Variants in NUP210 observed in about 807,000 individuals in gnomAD.
NUP210 encodes nucleoporin 210.
NUP210 carries 151 observed loss-of-function variants against 196.0 expected under a neutral mutation model. That is an observed-to-expected ratio of 0.77 (90% CI 0.67 to 0.88). NUP210 has a LOEUF of 0.88. Ranked by LOEUF, NUP210 falls within the 40% of genes least tolerant of loss-of-function variation. The pLI, the probability that NUP210 is intolerant of heterozygous loss-of-function variation, is 0.00. For synonymous variants in NUP210, 1,070 were observed against 1,052.7 expected, an observed-to-expected ratio of 1.02 and a Z score of -0.32; for missense variants, 2,314 against 2,493.7, an observed-to-expected ratio of 0.93 and a Z score of 1.53.
rs534124796 is a variant in NUP210 at position 13,350,795 on chromosome 3, G to A, written c.2835+1084C>T. Among the ~76,000 whole-genome samples, 2 of 149,048 alleles carry A rather than the reference G, an allele frequency of 1.3e-5. No homozygotes were observed. The highest frequency in any genetic ancestry group is 2.0e-4 in the East Asian group (1 of 5,062). On this transcript the variant is annotated intron_variant, in intron 20 of 39. Coordinates refer to ENST00000254508, the MANE Select transcript of NUP210 (RefSeq NM_024923.4). This position sits in a 1 kb window ranked among gnomAD's most constrained non-coding sequence, Gnocchi z 4.1. ...TGCAAGCTCCACCCGCTGGGTTCAC[G>A]CCATCTCCTGCCTCAGCCTCCCGAG...
At chr3:13,419,694 C>A (rs1700466191) in intron 1 of NUP210, among the ~76,000 whole-genome samples, 1 of 152,188 alleles carries the variant, frequency 6.6e-6, no homozygotes, top group African/African-American at 2.4e-5. Context: ...GAAGTGCGGC[C>A]CAGCTGCCCC....
At chr3:13,354,233 A>G in intron 16 of NUP210, 126 bp from the exon 17 acceptor site, 2 of 790,086 alleles carry the variant, frequency 2.5e-6, no homozygotes, top group Non-Finnish European at 4.1e-6. Flanking sequence ...AGGGAATGGG[A>G]TATGCCAGAA....
intron 1 of NUP210, among the ~76,000 whole-genome samples, chr3:13,402,474 A>G (rs1559347426): frequency 6.6e-6 from 1 of 152,118 alleles, no homozygotes; most frequent in Admixed American, 6.5e-5. Flanking sequence ...AGGCCCAATA[A>G]ATGCAAACAG....
intron 33 of NUP210, among the ~76,000 whole-genome samples, chr3:13,324,855 T>TGGCTATGAGCTGAGCACC (rs1696681506): frequency 6.6e-6 from 1 of 152,230 alleles, no homozygotes; most frequent in African/African-American, 2.4e-5. Context: ...TGCTGAGCAC[T>TGGCTATGAGCTGAGCACC]GGCTATGAGC....
At position 13,392,516 on chromosome 3, in the gene NUP210, G is replaced by A. The variant is rs533392134; in HGVS notation, c.437-1209C>T. Among the ~76,000 whole-genome samples, 8 of 152,270 alleles carry A rather than the reference G, an allele frequency of 5.3e-5. No homozygotes were observed. In the South Asian group the frequency reaches 1.7e-3, roughly 32 times the overall value. ...ATTAATCTGTCTTCCTAACATCCAGGGCATTAGGTGAGGATGGTGGATATG... is the reference window on the plus strand; with the variant it reads ...ATTAATCTGTCTTCCTAACATCCAGAGCATTAGGTGAGGATGGTGGATATG... On this transcript the variant is annotated intron_variant, in intron 3 of 39. Coordinates refer to ENST00000254508, the MANE Select transcript of NUP210 (RefSeq NM_024923.4).
At position 13,327,432 on chromosome 3, in the gene NUP210, T is replaced by A. The variant is rs1696810523; in HGVS notation, c.4292A>T (p.Asp1431Val). 1 of 1,608,454 alleles carries A rather than the reference T, an allele frequency of 6.2e-7. No individual in the cohort carries two copies. The highest frequency in any genetic ancestry group is 1.1e-5 in the South Asian group (1 of 90,662). Residue 1431 changes from aspartate to valine, a missense_variant, in exon 32 of 40, where the codon GAC (aspartate) becomes GTC (valine). Transcript: ENST00000254508. ...GGGGCCCTTCCCGATCTGCACAAAG[T>A]CGTCTCTAGGCACAGGAGAGAAAGG... ...SVLNFATNRD[D>V]FVQIGKGPTN...
chr3:13,400,820 G>C (rs557761175), intron 1 of NUP210, among the ~76,000 whole-genome samples: 51 of 152,276 alleles, frequency 3.3e-4, no homozygotes, highest in African/African-American at 1.2e-3. Context: ...CTTGTCTCTC[G>C]GGGCCGCACC....
intron 6 of NUP210, among the ~76,000 whole-genome samples, chr3:13,382,292 C>T (rs922758588): frequency 1.3e-5 from 2 of 152,182 alleles, no homozygotes; most frequent in Non-Finnish European, 2.9e-5. Context: ...GAGATGGAGA[C>T]CACGGCTCCC....
At chr3:13,372,979 CCTCTCCATGAGAATCAGGCCTCA>C (rs1698781934) in intron 12 of NUP210, among the ~76,000 whole-genome samples, 1 of 152,186 alleles carries the variant, frequency 6.6e-6, no homozygotes, top group African/African-American at 2.4e-5. Context: ...TGTGAAGCCC[CCTCTCCATGAGAATCAGGCCTCA>C]CTTTAGATAG....
At position 13,321,820 on chromosome 3, in the gene NUP210, G is replaced by A; in HGVS notation, c.4931C>T (p.Ser1644Leu). The A allele has an allele frequency of 1.2e-6, 2 of 1,606,464 alleles. No homozygotes were observed. Among genetic ancestry groups the A allele is most frequent in the Non-Finnish European group, 1.7e-6 (2 of 1,179,928 alleles). The change falls in exon 36 of 40, where the codon TCA (serine) becomes TTA (leucine). Residue 1644 changes from serine (S) to leucine (L), a missense_variant. By Grantham distance (145) the Ser-to-Leu change is moderately radical. Coordinates refer to ENST00000254508, the MANE Select transcript of NUP210 (RefSeq NM_024923.4). ...GTCCGTCAGCCTGTGCATTGTGATT[G>A]AGCAGAAGTACTGGCCTGCGAAGAC... ...FDTALGQYFC[S>L]ITMHRLTDKQ...
intron 14 of NUP210, among the ~76,000 whole-genome samples, chr3:13,362,297 G>T (rs1238301536): frequency 6.6e-6 from 1 of 152,176 alleles, no homozygotes; most frequent in East Asian, 1.9e-4. Flanking sequence ...TCCCAGCCGT[G>T]AAGCTTCTGC....
At chr3:13,343,327 A>AGGGTGGGGGGGGGGGGGGG in intron 20 of NUP210, 24 bp from the exon 21 acceptor site, 1 of 183,892 alleles carries the variant, frequency 5.4e-6, no homozygotes, top group Non-Finnish European at 1.1e-5. Context: ...GCGGAGGTGG[A>AGGGTGGGGGGGGGGGGGGG]GGGGTGGGTG....
intron 6 of NUP210, among the ~76,000 whole-genome samples, chr3:13,382,158 C>T (rs1482209818): frequency 1.3e-5 from 2 of 152,228 alleles, no homozygotes; most frequent in Non-Finnish European, 2.9e-5. Flanking sequence ...AAGTTCTCTT[C>T]AGATACTGAT....
intron 1 of NUP210, among the ~76,000 whole-genome samples, chr3:13,412,532 G>A (rs1398747928): frequency 8.6e-5 from 13 of 151,948 alleles, no homozygotes. Context: ...TGGCCAACAT[G>A]GCGAAATCCC....
intron 25 of NUP210, 111 bp downstream of exon 25, chr3:13,339,743 G>A: frequency 3.1e-6 from 3 of 981,406 alleles, no homozygotes; most frequent in South Asian, 1.4e-5. Flanking sequence ...GACCCAGGGG[G>A]CAGAAGCAGC....
intron 14 of NUP210, among the ~76,000 whole-genome samples, chr3:13,365,318 C>CTCAG (rs541481761): frequency 2.1e-3 from 326 of 152,310 alleles, no homozygotes; most frequent in South Asian, 6.4e-3. Flanking sequence ...CAAGAGCTGT[C>CTCAG]TCAGTCCCAT....
At chr3:13,359,139 G>C (rs535615428) in intron 15 of NUP210, among the ~76,000 whole-genome samples, 1 of 152,290 alleles carries the variant, frequency 6.6e-6, no homozygotes, top group Admixed American at 6.5e-5. Context: ...CAAGGGCAGT[G>C]TCCTCCGTGA....
chr3:13,402,749 T>C (rs1679037762), intron 1 of NUP210, among the ~76,000 whole-genome samples: 1 of 152,198 alleles, frequency 6.6e-6, no homozygotes, highest in African/African-American at 2.4e-5. Context: ...TAATAAACCT[T>C]GTTTTTTAAA....
chr3:13,332,425 A>AGG (rs1697034507), intron 28 of NUP210, 41 bp from the exon 29 acceptor site: 3 of 1,468,384 alleles, frequency 2.0e-6, no homozygotes, highest in Non-Finnish European at 2.9e-6. Context: ...GGGGCACTGG[A>AGG]GTCACATTCA....
Sources: allele counts gnomAD v4.1 joint callset (sites outside exome capture counted in the v4.1 genomes callset), GRCh38; gene constraint gnomAD v4.1.1; non-coding constraint Gnocchi (gnomAD v3.1); transcripts MANE v1.5; gene names NCBI Gene and HGNC (gene_info 2026-07-23, HGNC 2026-07-21).